Variants in OSBPL5 observed in about 807,000 individuals in gnomAD.
The protein encoded by OSBPL5 is oxysterol binding protein like 5, also known as oxysterol-binding protein-related protein 5.
OSBPL5 carries 71 observed loss-of-function variants against 111.2 expected under a neutral mutation model. The observed-to-expected ratio is 0.64, with a 90% CI of 0.53 to 0.78. The LOEUF is 0.78. OSBPL5 is among the 30% of genes least tolerant of loss of function. The pLI is 0.00. For missense variants in OSBPL5, 1,210 were observed against 1,189.3 expected (o/e 1.02, Z -0.26); for synonymous variants, 549 against 513.9 (o/e 1.07, Z -0.93).
chr11:3,103,688 C>T (rs544376023), intron 10 of OSBPL5, among the ~76,000 whole-genome samples: 2 of 147,674 alleles, frequency 1.4e-5, no homozygotes, highest in African/African-American at 5.0e-5. Flanking sequence ...GTCTCTGCAG[C>T]CCCCTTCCAG....
rs150183673 is a variant in OSBPL5 at position 3,113,554 on chromosome 11, C to T, written c.692-5609G>A. On this transcript the variant is annotated intron_variant, in intron 7 of 21. Coordinates refer to ENST00000263650, the MANE Select transcript of OSBPL5 (RefSeq NM_020896.4). The surrounding 1 kb of genome is among the most constrained non-coding windows in gnomAD (Gnocchi z 4.8). ...CCTGTAATCCCAGCTACTCGTGAGG[C>T]TGAGGCAGGAGAATTGCTTGACCTG... 0.015 allele frequency among the ~76,000 whole-genome samples: 2,296 copies of T among 152,042 alleles called. 70 individuals are homozygous for T. The highest frequency in any genetic ancestry group is 0.053 in the African/African-American group (2,201 of 41,442).
rs367916712 is a variant in OSBPL5, at chr11:3,092,300, G to C, written c.2259+132C>G. On this transcript the variant is annotated intron_variant, in intron 19 of 21. Transcript: ENST00000263650. The surrounding 1 kb of genome is among the most constrained non-coding windows in gnomAD (Gnocchi z 5.4). ...TGCTCGGCAGAGAAGGAAAGGGGAC[G>C]AGGGGGCTGGGGGATGAGGGCGTGA... The C allele has an allele frequency of 3.2e-6, 4 of 1,259,618 alleles. No homozygotes were observed. Among genetic ancestry groups the C allele is most frequent in the Non-Finnish European group, 4.2e-6 (4 of 945,452 alleles). The allele number at this position is 1,259,618 out of a possible 1,614,324, so 78.0% of individuals were successfully genotyped here.
chr11:3,094,929 A>T (rs1463994688), intron 14 of OSBPL5: 1 of 152,236 alleles, frequency 6.6e-6, no homozygotes, highest in Non-Finnish European at 1.5e-5. Flanking sequence ...TGTCTGGCAT[A>T]TGGAGGAGGT....
chr11:3,134,374 T>C (rs1166827471), intron 1 of OSBPL5, among the ~76,000 whole-genome samples: 1 of 152,178 alleles, frequency 6.6e-6, no homozygotes, highest in East Asian at 1.9e-4. Context: ...CAAGTGCCCC[T>C]TGCCTGGGGG....
chr11:3,126,355 C>G lies in OSBPL5; in HGVS notation c.219+118G>C, dbSNP rs928226314. 2 of 915,280 alleles carry G rather than the reference C, an allele frequency of 2.2e-6. No homozygotes were observed. Among genetic ancestry groups the G allele is most frequent in the African/African-American group, 1.7e-5 (1 of 58,982 alleles). The allele number at this position is 915,280 out of a possible 1,614,324, so 56.7% of individuals were successfully genotyped here. ...GTCTAGGATTGGGAGCTGTTTCCCCCGAACAGGCTGGAATGGCAGGCTCAG... is the reference window on the plus strand; with the variant it reads ...GTCTAGGATTGGGAGCTGTTTCCCCGGAACAGGCTGGAATGGCAGGCTCAG... On this transcript the variant is annotated intron_variant, in intron 3 of 21. Coordinates refer to ENST00000263650, the MANE Select transcript of OSBPL5 (RefSeq NM_020896.4). This position sits in a 1 kb window ranked among gnomAD's most constrained non-coding sequence, Gnocchi z 6.5.
chr11:3,156,710 C>T (rs529804506), intron 1 of OSBPL5, among the ~76,000 whole-genome samples: 17 of 152,354 alleles, frequency 1.1e-4, no homozygotes, highest in East Asian at 7.7e-4. Flanking sequence ...TATGCATAAG[C>T]GTTTTCATTA....
intron 1 of OSBPL5, among the ~76,000 whole-genome samples, chr11:3,139,157 C>T (rs1358413606): frequency 6.6e-6 from 1 of 152,228 alleles, no homozygotes; most frequent in Non-Finnish European, 1.5e-5. Flanking sequence ...ACAGCTGTTC[C>T]CGTTCAGGGG....
chr11:3,122,679 C>T (rs1056289117), intron 3 of OSBPL5, among the ~76,000 whole-genome samples: 1 of 152,188 alleles, frequency 6.6e-6, no homozygotes, highest in Admixed American at 6.5e-5. Context: ...CCATCCTCCC[C>T]GGGGCACATG....
At chr11:3,117,695 A>G (rs1282972186) in intron 7 of OSBPL5, among the ~76,000 whole-genome samples, 2 of 152,188 alleles carry the variant, frequency 1.3e-5, no homozygotes, top group Non-Finnish European at 2.9e-5. Flanking sequence ...ATGAAATCCT[A>G]ATTTTTGTTG....
chr11:3,120,319 G>A (rs937978121), intron 6 of OSBPL5, 102 bp downstream of exon 6: 3 of 1,420,258 alleles, frequency 2.1e-6, no homozygotes, highest in Non-Finnish European at 1.9e-6. Flanking sequence ...AAGGCCCCAA[G>A]GGGGCCATTC....
intron 11 of OSBPL5, among the ~76,000 whole-genome samples, chr11:3,102,748 C>T (rs1051815815): frequency 4.6e-5 from 7 of 152,264 alleles, no homozygotes; most frequent in Middle Eastern, 6.8e-3. Flanking sequence ...TCCCATGGAA[C>T]CCCAGGGCTC....
Position 3,101,595 on chromosome 11 carries a change from C to A in OSBPL5, c.1522+8G>T, listed in dbSNP as rs1304644923. 4.3e-6 allele frequency: 7 copies of A among 1,610,948 alleles called. No homozygotes were observed. In the African/African-American group the frequency reaches 8.0e-5, roughly 18 times the overall value. ...GGCCCCAGGGAGCGCCCAGGGTGAC[C>A]CCCTCACCATAAAACCTGGACTTGG... On this transcript the variant is annotated splice_region_variant and intron_variant, in intron 13 of 21. Transcript: ENST00000263650.
intron 19 of OSBPL5, among the ~76,000 whole-genome samples, chr11:3,091,314 C>T (rs965294246): frequency 2.0e-5 from 3 of 152,194 alleles, no homozygotes; most frequent in African/African-American, 2.4e-5. Flanking sequence ...TAACAACAGG[C>T]GTTTGGGGCC....
In OSBPL5 at chr11:3,092,299, C is replaced by T. The variant is rs529037631; in HGVS notation, c.2259+133G>A. 461 of 1,255,138 alleles carry T rather than the reference C, an allele frequency of 3.7e-4. No homozygotes were observed. Among genetic ancestry groups the T allele is most frequent in the Middle Eastern group, 2.0e-3 (7 of 3,516 alleles). 77.8% of individuals were successfully genotyped at this position (1,255,138 alleles called of 1,614,324 possible). A position where few individuals can be genotyped will look rare whatever the true frequency, so the allele number is the denominator to read the frequency against. ...ATGCTCGGCAGAGAAGGAAAGGGGA[C>T]GAGGGGGCTGGGGGATGAGGGCGTG... On this transcript the variant is annotated intron_variant, in intron 19 of 21. Coordinates refer to ENST00000263650, the MANE Select transcript of OSBPL5 (RefSeq NM_020896.4). This position sits in a 1 kb window ranked among gnomAD's most constrained non-coding sequence, Gnocchi z 5.4.
In OSBPL5 at chr11:3,112,055, GCA is replaced by G. The variant is rs142502753; in HGVS notation, c.692-4112_692-4111del. Among the ~76,000 whole-genome samples, 8 of 31,840 alleles carry G rather than the reference GCA, an allele frequency of 2.5e-4. No individual in the cohort carries two copies. The South Asian group carries it at 4.9e-3, about 20-fold the overall frequency. The allele number at this position is 31,840 out of a possible 152,430, so 20.9% of individuals were successfully genotyped here. Reference sequence around the variant, plus strand: ...TGTGTATGTGTGCGCGCATGTGTGTGCATGTGTATGTGTGTGTGCATGTGTGT... The same window carrying G: ...TGTGTATGTGTGCGCGCATGTGTGTGTGTGTATGTGTGTGTGCATGTGTGT... On this transcript the variant is annotated intron_variant, in intron 7 of 21. Coordinates refer to ENST00000263650, the MANE Select transcript of OSBPL5 (RefSeq NM_020896.4).
rs776363556 is a variant in OSBPL5, at chr11:3,090,704, G to A, written c.2260-8C>T. ...CTGGTCTGGGCCAGACCTCTGCAGA[G>A]AAATGGAGCTGCTGCAGCTGAAAGC... On this transcript the variant is annotated splice_region_variant and splice_polypyrimidine_tract_variant and intron_variant, in intron 19 of 21. Transcript: ENST00000263650. The A allele has an allele frequency of 6.8e-6, 11 of 1,607,212 alleles. No homozygotes were observed. The African/African-American group carries it at 1.5e-4, about 21-fold the overall frequency.
At position 3,110,403 on chromosome 11, in the gene OSBPL5, G is replaced by T. The variant is rs1310333593; in HGVS notation, c.692-2458C>A. On this transcript the variant is annotated intron_variant, in intron 7 of 21. Coordinates refer to ENST00000263650, the MANE Select transcript of OSBPL5 (RefSeq NM_020896.4). The surrounding 1 kb of genome is among the most constrained non-coding windows in gnomAD (Gnocchi z 5.3). ...AGGATCATCGCAGTCACAGCTGCCT[G>T]AGCGGCCACTCAGGGAACAGCAACA... Among the ~76,000 whole-genome samples, 1 of 152,242 alleles carries T rather than the reference G, an allele frequency of 6.6e-6. No individual in the cohort carries two copies. Among genetic ancestry groups the T allele is most frequent in the African/African-American group, 2.4e-5 (1 of 41,462 alleles).
At chr11:3,129,834 C>T (rs962563295) in intron 1 of OSBPL5, among the ~76,000 whole-genome samples, 1 of 152,228 alleles carries the variant, frequency 6.6e-6, no homozygotes, top group African/African-American at 2.4e-5. Context: ...CAGCCCAAGA[C>T]GTTGCATTCC....
At position 3,141,647 on chromosome 11, in the gene OSBPL5, C is replaced by T. The variant is rs1211079852; in HGVS notation, c.-21-12478G>A. Reference sequence around the variant, plus strand: ...GGGGAACCCTTCTATGAACGGAAAGCTCGCACCTCGCTCAATGCATTGCCA... The same window carrying T: ...GGGGAACCCTTCTATGAACGGAAAGTTCGCACCTCGCTCAATGCATTGCCA... On this transcript the variant is annotated intron_variant, in intron 1 of 21. Transcript: ENST00000263650. This position sits in a 1 kb window ranked among gnomAD's most constrained non-coding sequence, Gnocchi z 6.5. Among the ~76,000 whole-genome samples the T allele has an allele frequency of 6.6e-6, 1 of 152,202 alleles. No homozygotes were observed. Among genetic ancestry groups the T allele is most frequent in the Non-Finnish European group, 1.5e-5 (1 of 68,042 alleles).
Sources: gnomAD v4.1 joint callset for allele counts (sites outside exome capture counted in the v4.1 genomes callset) on GRCh38, gnomAD v4.1.1 for gene constraint, Gnocchi (gnomAD v3.1) non-coding constraint, MANE v1.5 for transcripts, NCBI Gene and HGNC (gene_info 2026-07-23, HGNC 2026-07-21) for gene names.